Variants in CNGB1 observed in about 807,000 individuals in gnomAD.
CNGB1 encodes cyclic nucleotide gated channel subunit beta 1.
A neutral mutation model predicts 151.7 loss-of-function variants in CNGB1; 126 were observed. The observed-to-expected ratio is 0.83, with a 90% CI of 0.72 to 0.96. The LOEUF (loss-of-function observed/expected upper bound fraction) is 0.96. CNGB1 is among the 40% of genes least tolerant of loss of function. The pLI, the probability that CNGB1 is intolerant of heterozygous loss-of-function variation, is 0.00. For synonymous variants in CNGB1, 623 were observed against 635.1 expected, an observed-to-expected ratio of 0.98 and a Z score of 0.29; for missense variants, 1,698 against 1,627.0, an observed-to-expected ratio of 1.04 and a Z score of -0.75.
At chr16:57,903,695 A>G (rs902521402) in intron 27 of CNGB1, 127 bp downstream of exon 27, 8 of 1,187,830 alleles carry the variant, frequency 6.7e-6, no homozygotes, top group Non-Finnish European at 8.5e-6. Context: ...CACAGCCAAG[A>G]CAGGCCCCAG....
At chr16:57,894,708 G>A (rs1960177397) in intron 31 of CNGB1, among the ~76,000 whole-genome samples, 1 of 152,220 alleles carries the variant, frequency 6.6e-6, no homozygotes, top group African/African-American at 2.4e-5. Context: ...AATGGGAGTT[G>A]CAGTCAGGGG....
At chr16:57,937,072 G>C (rs1228879162) in intron 16 of CNGB1, 1 of 152,478 alleles carries the variant, frequency 6.6e-6, no homozygotes, top group African/African-American at 2.4e-5. Flanking sequence ...GAGAATGCTG[G>C]GTGGGCAAGA....
chr16:57,962,154 G>C (rs929744137), intron 7 of CNGB1, among the ~76,000 whole-genome samples: 1 of 152,118 alleles, frequency 6.6e-6, no homozygotes. Flanking sequence ...TACTGATGGG[G>C]CAGCCACCCC....
chr16:57,897,371 T>A (rs757167855), intron 31 of CNGB1, 26 bp downstream of exon 31: 3 of 1,613,946 alleles, frequency 1.9e-6, no homozygotes, highest in African/African-American at 2.7e-5. Flanking sequence ...AGCAATTTTT[T>A]ATTAAACGAA....
At chr16:57,929,919 A>G (rs1305830560) in intron 17 of CNGB1, among the ~76,000 whole-genome samples, 1 of 152,206 alleles carries the variant, frequency 6.6e-6, no homozygotes, top group Non-Finnish European at 1.5e-5. Context: ...TAAGATATCC[A>G]TGATCCAAAA....
In CNGB1 at chr16:57,884,394, G is replaced by A. The variant is rs765169492; in HGVS notation, c.3526C>T (p.Pro1176Ser). The A allele has an allele frequency of 6.2e-7, 1 of 1,613,302 alleles. No homozygotes were observed. Among genetic ancestry groups the A allele is most frequent in the Non-Finnish European group, 8.5e-7 (1 of 1,179,852 alleles). Reference sequence around the variant, plus strand: ...GGTGGGTCGGTGGCGGCCTCCTTTGGGTGCGTGTGCTGGTCTGGGGCGGCG... The same window carrying A: ...GGTGGGTCGGTGGCGGCCTCCTTTGAGTGCGTGTGCTGGTCTGGGGCGGCG... ...GSAAPDQHTH[P>S]KEAATDPPAP... Residue 1176 changes from proline (P) to serine (S), a missense_variant, in exon 33 of 33, where the codon CCA (proline) becomes TCA (serine). By Grantham distance (74) the Pro-to-Ser change is moderately conservative (BLOSUM62 -1). Coordinates refer to ENST00000251102, the MANE Select transcript of CNGB1 (RefSeq NM_001297.5).
intron 26 of CNGB1, among the ~76,000 whole-genome samples, chr16:57,904,366 C>G (rs1170754560): frequency 6.6e-6 from 1 of 152,094 alleles, no homozygotes; most frequent in Non-Finnish European, 1.5e-5. Flanking sequence ...GGGGCGGGGC[C>G]CTTCAAATAT....
chr16:57,918,108 GTTATTTATTTATTTAT>G (rs35373193), intron 20 of CNGB1, among the ~76,000 whole-genome samples: 4 of 142,456 alleles, frequency 2.8e-5, no homozygotes, highest in Non-Finnish European at 3.0e-5. Flanking sequence ...AGATCATCTG[GTTATTTATTTATTTAT>G]TTATTTATTT....
chr16:57,931,849 G>A lies in CNGB1; in HGVS notation c.1402C>T (p.Gln468Ter), dbSNP rs1961361358. 6.2e-7 allele frequency: 1 copy of A among 1,614,038 alleles called. No homozygotes were observed. The change falls in exon 17 of 33, where the codon CAG becomes TAG. Residue 468 changes from glutamine (Q) to a stop codon, truncating the protein, a stop_gained. Transcript: ENST00000251102. LOFTEE classifies it high-confidence loss of function. ...VPATKQHPEVQVEDTDADSCP... is the reference protein window; with the variant it reads ...VPATKQHPEV ...CTATCAGCATCAGTATCTTCCACCT[G>A]CACTTCTGGGTGCTGTTTCGTGGCA...
At chr16:57,957,117 C>T (rs544500915) in intron 12 of CNGB1, among the ~76,000 whole-genome samples, 4 of 152,334 alleles carry the variant, frequency 2.6e-5, no homozygotes, top group Admixed American at 2.6e-4. Context: ...CCTCCAACCA[C>T]CATCTGGCTC....
intron 22 of CNGB1, among the ~76,000 whole-genome samples, chr16:57,915,724 C>T (rs113951769): frequency 0.021 from 3,153 of 151,978 alleles, 111 homozygotes; most frequent in African/African-American, 0.072. Flanking sequence ...CATGGTGAAA[C>T]CCTGTCTCTT....
intron 12 of CNGB1, among the ~76,000 whole-genome samples, chr16:57,955,721 A>T (rs1417705393): frequency 6.6e-6 from 1 of 152,142 alleles, no homozygotes; most frequent in Non-Finnish European, 1.5e-5. Context: ...ACACACACAG[A>T]CACAGAGGTA....
At chr16:57,955,976 G>A (rs2149384327) in intron 12 of CNGB1, among the ~76,000 whole-genome samples, 1 of 152,312 alleles carries the variant, frequency 6.6e-6, no homozygotes, top group Non-Finnish European at 1.5e-5. Flanking sequence ...CCTAGAAAAT[G>A]AAACCAAGCC....
intron 12 of CNGB1, chr16:57,954,737 T>A (rs554907584): frequency 1.0e-6 from 1 of 969,104 alleles, no homozygotes; most frequent in African/African-American, 1.7e-5. Context: ...CTCATTGGTG[T>A]CCCCAAGCCT....
At chr16:57,957,627 C>T (rs368425721) in intron 11 of CNGB1, among the ~76,000 whole-genome samples, 31 of 152,358 alleles carry the variant, frequency 2.0e-4, no homozygotes, top group East Asian at 1.9e-3. Context: ...GCCACAGCAG[C>T]GGCACCTGCT....
Position 57,883,609 on chromosome 16 carries a change from A to G in CNGB1, c.*555T>C, listed in dbSNP as rs879135589. On this transcript the variant is annotated 3_prime_UTR_variant, in exon 33 of 33. Transcript: ENST00000251102. ...TTTGTTTTTGTTTTTGTTTGAGATG[A>G]GGTCTCGCTATGTTGCCCAGTCTGC... The G allele has an allele frequency of 6.0e-6, 1 of 165,354 alleles. No homozygotes were observed. 10.2% of individuals were successfully genotyped at this position (165,354 alleles called of 1,614,324 possible).
Position 57,897,500 on chromosome 16 carries a change from C to A in CNGB1, c.3139G>T (p.Val1047Leu). 1 of 1,614,136 alleles carries A rather than the reference C, an allele frequency of 6.2e-7. No homozygotes were observed. Among genetic ancestry groups the A allele is most frequent in the South Asian group, 1.1e-5 (1 of 91,084 alleles). Residue 1047 changes from valine (V) to leucine (L), a missense_variant, in exon 31 of 33, where the codon GTG becomes TTG. Val to Leu is a conservative substitution (Grantham distance 32). Transcript: ENST00000251102. ...GGGNRRTANV[V>L]AHGFTNLFIL... ...AAGAGGTTGGTAAACCCGTGCGCCA[C>A]CACGTTGGCCGTGCGCCGGTTCCCG...
chr16:57,903,995 T>A lies in CNGB1; in HGVS notation c.2635-14A>T. The A allele has an allele frequency of 6.2e-7, 1 of 1,612,392 alleles. No homozygotes were observed. The highest frequency in any genetic ancestry group is 8.5e-7 in the Non-Finnish European group (1 of 1,179,406). On this transcript the variant is annotated splice_polypyrimidine_tract_variant and intron_variant, in intron 26 of 32. Transcript: ENST00000251102. ...CACATCTCTCATCTGGGGGAAGGGTTATGGGAGGTCAAGGAAGCCACTGGG... is the reference window on the plus strand; with the variant it reads ...CACATCTCTCATCTGGGGGAAGGGTAATGGGAGGTCAAGGAAGCCACTGGG...
At chr16:57,895,192 C>A (rs1052973279) in intron 31 of CNGB1, among the ~76,000 whole-genome samples, 1 of 152,090 alleles carries the variant, frequency 6.6e-6, no homozygotes, top group Admixed American at 6.6e-5. Context: ...CACCTGTAAT[C>A]CCAGCAACTC....
Sources: gnomAD v4.1 joint callset for allele counts (sites outside exome capture counted in the v4.1 genomes callset) on GRCh38, gnomAD v4.1.1 for gene constraint, MANE v1.5 for transcripts, NCBI Gene and HGNC (gene_info 2026-07-23, HGNC 2026-07-21) for gene names.